The following ZNF90 variants were observed in gnomAD, a reference collection of about 807,000 sequenced individuals.
ZNF90 encodes the protein zinc finger protein 90, also known as zinc finger protein HTF9.
ZNF90 carries 11 observed loss-of-function variants against 12.0 expected under a neutral mutation model. The observed-to-expected ratio is 0.92, with a 90% confidence interval of 0.58 to 1.52. The LOEUF (loss-of-function observed/expected upper bound fraction) is 1.52. Ranked by LOEUF, ZNF90 falls within the 40% of genes most tolerant of loss-of-function variation. ZNF90 has a pLI of 0.00. For synonymous variants in ZNF90, 232 were observed against 240.1 expected (o/e 0.97, Z 0.31); for missense variants, 765 against 711.5 (o/e 1.08, Z -0.86).
chr19:20,108,472 G>C (rs1034612272), intron 3 of ZNF90, among the ~76,000 whole-genome samples: 15 of 152,122 alleles, frequency 9.9e-5, no homozygotes, highest in African/African-American at 3.6e-4. Context: ...ACCACTCCCG[G>C]CTAATTTTTG....
intron 3 of ZNF90, chr19:20,107,141 A>T: frequency 2.6e-6 from 1 of 388,640 alleles, no homozygotes; most frequent in Non-Finnish European, 5.1e-6. Flanking sequence ...GGCTCAGGTA[A>T]CTGACACTGA....
Position 20,118,150 on chromosome 19 carries a change from T to C in ZNF90, c.596T>C (p.Ile199Thr). The C allele has an allele frequency of 3.1e-6, 5 of 1,610,322 alleles. No individual in the cohort carries two copies. Among genetic ancestry groups the C allele is most frequent in the Non-Finnish European group, 4.2e-6 (5 of 1,177,972 alleles). ...CATAAGAAAATTCATACTGGAGAGATAACCTGCAAATGTGAAGAATGTGGC... is the reference window on the plus strand; with the variant it reads ...CATAAGAAAATTCATACTGGAGAGACAACCTGCAAATGTGAAGAATGTGGC... ...ATHKKIHTGE[I>T]TCKCEECGKA... Residue 199 changes from isoleucine to threonine, a missense_variant, in exon 4 of 4, where the codon ATA becomes ACA. Physicochemically the swap from Ile to Thr is moderately conservative, Grantham distance 89. Transcript: ENST00000418063.
chr19:20,086,496 A>G (rs1555702078), intron 1 of ZNF90, among the ~76,000 whole-genome samples: 1 of 151,982 alleles, frequency 6.6e-6, no homozygotes, highest in Admixed American at 6.6e-5. Flanking sequence ...TCAGCCTCCT[A>G]AAGTGCTGGG....
intron 1 of ZNF90, among the ~76,000 whole-genome samples, chr19:20,089,890 G>C (rs910011802): frequency 6.6e-6 from 1 of 152,136 alleles, no homozygotes; most frequent in African/African-American, 2.4e-5. Flanking sequence ...GATTAGAAGC[G>C]GCTAGGAGAG....
In ZNF90 at chr19:20,117,397, CTCCT is replaced by C. The variant is rs1197197056; in HGVS notation, c.227-362_227-359del. On this transcript the variant is annotated intron_variant, in intron 3 of 3. Coordinates refer to ENST00000418063, the MANE Select transcript of ZNF90 (RefSeq NM_007138.2). ...TTTTTCCTTTCTTTTCTTTTCTTTT[CTCCT>C]TCCTTCCTTCCTTCCTTCCTTTCTT... 2.1e-3 allele frequency among the ~76,000 whole-genome samples: 192 copies of C among 91,394 alleles called. 1 individual carries two copies. Among genetic ancestry groups the C allele is most frequent in the African/African-American group, 8.1e-3 (115 of 14,198 alleles). The allele number at this position is 91,394 out of a possible 152,430, so 60.0% of individuals were successfully genotyped here.
At chr19:20,111,120 T>A (rs566832711) in intron 3 of ZNF90, among the ~76,000 whole-genome samples, 146 of 152,298 alleles carry the variant, frequency 9.6e-4, no homozygotes, top group Non-Finnish European at 1.8e-3. Context: ...TTTCCTATAT[T>A]TTTTTGAAAG....
intron 1 of ZNF90, among the ~76,000 whole-genome samples, chr19:20,079,296 C>T (rs1374331692): frequency 7.0e-6 from 1 of 143,558 alleles, no homozygotes; most frequent in African/African-American, 2.7e-5. Flanking sequence ...ATTAAGCCTG[C>T]AAAAGGAGGG....
rs782777256 is a variant in ZNF90, at chr19:20,118,847, C to G, written c.1293C>G (p.Asp431Glu). 3.7e-6 allele frequency: 6 copies of G among 1,605,410 alleles called. No individual in the cohort carries two copies. Among genetic ancestry groups the G allele is most frequent in the Non-Finnish European group, 4.3e-6 (5 of 1,175,830 alleles). ...EEKPYKCQEC[D>E]KVFKRSSALS... is the part of the protein sequence containing the mutation. ...AACCCTACAAATGTCAAGAATGTGA[C>G]AAAGTCTTCAAACGCTCCTCAGCCC... The change falls in exon 4 of 4, where the codon GAC (aspartate) becomes GAG (glutamate). Residue 431 changes from aspartate to glutamate, a missense_variant. Coordinates refer to ENST00000418063, the MANE Select transcript of ZNF90 (RefSeq NM_007138.2).
rs955801961 is a variant in ZNF90, at chr19:20,115,589, A to G, written c.227-2192A>G. Reference sequence around the variant, plus strand: ...CTTAAGTTATATGCAAAAATTCTTCATCATTACATCTGCTGCTCCGAAAAT... The same window carrying G: ...CTTAAGTTATATGCAAAAATTCTTCGTCATTACATCTGCTGCTCCGAAAAT... On this transcript the variant is annotated intron_variant, in intron 3 of 3. Coordinates refer to ENST00000418063, the MANE Select transcript of ZNF90 (RefSeq NM_007138.2). Among the ~76,000 whole-genome samples, 3 of 152,024 alleles carry G rather than the reference A, an allele frequency of 2.0e-5. No individual in the cohort carries two copies. The South Asian group carries it at 6.2e-4, about 32-fold the overall frequency.
intron 1 of ZNF90, among the ~76,000 whole-genome samples, chr19:20,083,199 C>G (rs1426215495): frequency 6.6e-6 from 1 of 152,122 alleles, no homozygotes; most frequent in East Asian, 1.9e-4. Context: ...CCTGGGCCCA[C>G]TTTTCTTTCT....
At chr19:20,082,934 G>C (rs113943880) in intron 1 of ZNF90, among the ~76,000 whole-genome samples, 2 of 152,178 alleles carry the variant, frequency 1.3e-5, no homozygotes, top group East Asian at 1.9e-4. Context: ...GAGGTGAGAC[G>C]TGCTGGTGGC....
chr19:20,093,855 CT>C (rs1179810506), intron 1 of ZNF90, among the ~76,000 whole-genome samples: 2 of 151,148 alleles, frequency 1.3e-5, no homozygotes, highest in African/African-American at 2.4e-5. Context: ...GTCCAGGGGG[CT>C]TCCGAGGCGA....
chr19:20,097,561 G>A (rs1568286059), intron 1 of ZNF90, among the ~76,000 whole-genome samples: 2 of 152,144 alleles, frequency 1.3e-5, no homozygotes, highest in African/African-American at 2.4e-5. Context: ...TTAGAGTAAC[G>A]TGTGCATTGA....
chr19:20,088,489 A>G (rs1555702349), intron 1 of ZNF90, among the ~76,000 whole-genome samples: 1 of 152,238 alleles, frequency 6.6e-6, no homozygotes, highest in African/African-American at 2.4e-5. Context: ...GGAGGACCCA[A>G]GACATCCAAT....
intron 1 of ZNF90, among the ~76,000 whole-genome samples, chr19:20,093,502 C>A (rs1315098945): frequency 6.6e-6 from 1 of 151,952 alleles, no homozygotes; most frequent in Non-Finnish European, 1.5e-5. Flanking sequence ...GCGAAGGAGG[C>A]TTTTGGTTGG....
intron 3 of ZNF90, among the ~76,000 whole-genome samples, chr19:20,109,837 T>C (rs1249327945): frequency 6.6e-5 from 10 of 151,604 alleles, no homozygotes; most frequent in Non-Finnish European, 1.5e-4. Context: ...TGAGACTCTG[T>C]CTCCAAAAAA....
At chr19:20,105,836 C>T (rs2089031289) in intron 3 of ZNF90, among the ~76,000 whole-genome samples, 1 of 151,940 alleles carries the variant, frequency 6.6e-6, no homozygotes, top group Non-Finnish European at 1.5e-5. Flanking sequence ...GTCAAGATTG[C>T]TTTGGCTATT....
chr19:20,081,517 G>T (rs1300284247), intron 1 of ZNF90, among the ~76,000 whole-genome samples: 2 of 152,080 alleles, frequency 1.3e-5, no homozygotes, highest in African/African-American at 4.8e-5. Flanking sequence ...TTCTTGCCAA[G>T]AACCCACAAG....
rs547632361 is a variant in ZNF90 at position 20,118,528 on chromosome 19, C to A, written c.974C>A (p.Ser325Tyr). 1 of 1,613,504 alleles carries A rather than the reference C, an allele frequency of 6.2e-7. No individual in the cohort carries two copies. Among genetic ancestry groups the A allele is most frequent in the South Asian group, 1.1e-5 (1 of 90,996 alleles). Residue 325 changes from serine to tyrosine, a missense_variant, in exon 4 of 4, where the codon TCC (serine) becomes TAC (tyrosine). Coordinates refer to ENST00000418063, the MANE Select transcript of ZNF90 (RefSeq NM_007138.2). ...GAATGTGGCAAAGCCTTCAAGCTCT[C>A]CTCAATCCTTAGTACACATAAGAGA... ...CEECGKAFKL[S>Y]SILSTHKRIH...
Sources: gnomAD v4.1 joint callset for allele counts (sites outside exome capture counted in the v4.1 genomes callset) on GRCh38, gnomAD v4.1.1 for gene constraint, MANE v1.5 for transcripts, NCBI Gene and HGNC (gene_info 2026-07-23, HGNC 2026-07-21) for gene names.